Variants in DLG2 observed in about 807,000 individuals in gnomAD.
DLG2 encodes the protein disks large homolog 2.
A neutral mutation model predicts 132.5 loss-of-function variants in DLG2; 45 were observed. The ratio of observed to expected loss-of-function variants is 0.34; its 90% confidence interval spans 0.27 to 0.44. The LOEUF is 0.44. DLG2 is among the 20% of genes least tolerant of loss of function. DLG2 has a pLI of 1.00. For missense variants in DLG2, 1,045 were observed against 1,196.9 expected, an observed-to-expected ratio of 0.87 and a Z score of 1.87; for synonymous variants, 424 against 419.6, an observed-to-expected ratio of 1.01 and a Z score of -0.13.
At chr11:84,365,038 G>A (rs937473762) in intron 7 of DLG2, among the ~76,000 whole-genome samples, 1 of 152,116 alleles carries the variant, frequency 6.6e-6, no homozygotes, top group Non-Finnish European at 1.5e-5. Context: ...AAATGAGTTA[G>A]GGAGGATTCC....
chr11:84,049,244 CAAGTT>C (rs1381144399), intron 11 of DLG2, among the ~76,000 whole-genome samples: 2 of 151,670 alleles, frequency 1.3e-5, no homozygotes, highest in Non-Finnish European at 2.9e-5. Flanking sequence ...AGATGCAAGT[CAAGTT>C]GATATTTAGA....
At chr11:85,051,542 G>A (rs2062891150) in intron 6 of DLG2, among the ~76,000 whole-genome samples, 1 of 152,110 alleles carries the variant, frequency 6.6e-6, no homozygotes, top group Non-Finnish European at 1.5e-5. Context: ...AACAGACACA[G>A]TTTCTGCTCT....
chr11:85,622,566 G>A (rs1445317114), intron 2 of DLG2, among the ~76,000 whole-genome samples: 3 of 144,088 alleles, frequency 2.1e-5, no homozygotes, highest in African/African-American at 7.7e-5. Context: ...AACAACAAAA[G>A]AAGAAAACTT....
intron 3 of DLG2, among the ~76,000 whole-genome samples, chr11:85,512,100 T>G (rs2094085774): frequency 6.6e-6 from 1 of 151,852 alleles, no homozygotes; most frequent in African/African-American, 2.4e-5. Context: ...ATTGAGGGAG[T>G]GGCTCTTTTC....
intron 6 of DLG2, among the ~76,000 whole-genome samples, chr11:84,646,495 G>A (rs1194159734): frequency 1.3e-5 from 2 of 152,040 alleles, no homozygotes; most frequent in Non-Finnish European, 2.9e-5. Flanking sequence ...AGCCAGGCAG[G>A]GGGCCAGCAT....
intron 6 of DLG2, among the ~76,000 whole-genome samples, chr11:84,774,571 A>T (rs73514910): frequency 0.015 from 2,288 of 152,294 alleles, 61 homozygotes; most frequent in African/African-American, 0.052. Flanking sequence ...ACATTAACCA[A>T]AACAGTATGG....
In DLG2 at chr11:85,075,884, A is replaced by T. The variant is rs2066474956; in HGVS notation, c.357+35777T>A. ...ATCAAGGGCAACTTGTCTACAATGAATTTAATTATTGTAAGTAGAATGTAG... is the reference window on the plus strand; with the variant it reads ...ATCAAGGGCAACTTGTCTACAATGATTTTAATTATTGTAAGTAGAATGTAG... On this transcript the variant is annotated intron_variant, in intron 6 of 27. Transcript: ENST00000376104. Among the ~76,000 whole-genome samples, 3 of 151,944 alleles carry T rather than the reference A, an allele frequency of 2.0e-5. No homozygotes were observed. The South Asian group carries it at 6.2e-4, about 31-fold the overall frequency.
intron 6 of DLG2, among the ~76,000 whole-genome samples, chr11:84,981,214 C>T (rs1213884838): frequency 6.6e-6 from 1 of 152,016 alleles, no homozygotes; most frequent in Admixed American, 6.6e-5. Flanking sequence ...TATAATTTTT[C>T]TCTAGAATAA....
intron 15 of DLG2, among the ~76,000 whole-genome samples, chr11:83,891,418 T>C (rs1405993596): frequency 6.6e-6 from 1 of 152,054 alleles, no homozygotes; most frequent in Non-Finnish European, 1.5e-5. Flanking sequence ...AAACAGGGAG[T>C]ACTGCTCTTT....
At chr11:85,361,939 G>A (rs1176791963) in intron 3 of DLG2, among the ~76,000 whole-genome samples, 1 of 152,074 alleles carries the variant, frequency 6.6e-6, no homozygotes, top group Non-Finnish European at 1.5e-5. Flanking sequence ...ATGAGCATGG[G>A]ATTTTTTTCC....
chr11:83,495,964 A>C (rs1455094300), intron 21 of DLG2, among the ~76,000 whole-genome samples: 4 of 152,164 alleles, frequency 2.6e-5, no homozygotes, highest in African/African-American at 4.8e-5. Context: ...TGATAAATAA[A>C]AAAGTTGTTA....
At chr11:83,588,539 A>T (rs1191415270) in intron 19 of DLG2, among the ~76,000 whole-genome samples, 1 of 152,170 alleles carries the variant, frequency 6.6e-6, no homozygotes, top group African/African-American at 2.4e-5. Flanking sequence ...AACGATGGGG[A>T]AAAAACAGAA....
chr11:83,806,416 C>T (rs1158265726), intron 17 of DLG2, among the ~76,000 whole-genome samples: 2 of 152,160 alleles, frequency 1.3e-5, no homozygotes, highest in Non-Finnish European at 2.9e-5. Context: ...ATATCCCCAG[C>T]TACATTCCCA....
chr11:84,418,089 C>G (rs2098936027), intron 7 of DLG2, among the ~76,000 whole-genome samples: 1 of 152,118 alleles, frequency 6.6e-6, no homozygotes, highest in Admixed American at 6.5e-5. Context: ...TGACCATAAC[C>G]ATTTAGAGCG....
chr11:84,593,034 A>G (rs188396048), intron 6 of DLG2, among the ~76,000 whole-genome samples: 4,828 of 147,576 alleles, frequency 0.033, 89 homozygotes, highest in Middle Eastern at 0.061. Context: ...CAGGAGAATC[A>G]CTTGAACCCA....
intron 6 of DLG2, among the ~76,000 whole-genome samples, chr11:84,877,554 A>C (rs1600586035): frequency 7.5e-6 from 1 of 133,398 alleles, no homozygotes; most frequent in Admixed American, 8.5e-5. Context: ...TTGCTTGGCA[A>C]ATATTCCTCC....
intron 6 of DLG2, among the ~76,000 whole-genome samples, chr11:85,084,463 A>C (rs528199762): frequency 6.6e-6 from 1 of 152,290 alleles, no homozygotes; most frequent in South Asian, 2.1e-4. Context: ...GTTTTGAGGA[A>C]AGTGAAGATA....
At chr11:83,878,992 C>G (rs917029159) in intron 15 of DLG2, among the ~76,000 whole-genome samples, 1 of 152,094 alleles carries the variant, frequency 6.6e-6, no homozygotes, top group African/African-American at 2.4e-5. Context: ...GTTTCCTTTC[C>G]AAGAACTCTC....
intron 6 of DLG2, among the ~76,000 whole-genome samples, chr11:84,905,999 G>C (rs2091461785): frequency 6.6e-6 from 1 of 151,988 alleles, no homozygotes; most frequent in African/African-American, 2.4e-5. Flanking sequence ...ACCTCATCTG[G>C]CAGTTAAAGC....
Sources: allele counts gnomAD v4.1 joint callset (sites outside exome capture counted in the v4.1 genomes callset), GRCh38; gene constraint gnomAD v4.1.1; transcripts MANE v1.5; gene names NCBI Gene and HGNC (gene_info 2026-07-23, HGNC 2026-07-21).